NSD1: variants seen among roughly 807,000 people sequenced by gnomAD.
NSD1 encodes histone-lysine N-methyltransferase, H3 lysine-36 specific.
Under a neutral mutation model 242.7 loss-of-function variants are expected in NSD1, and 26 were observed. The ratio of observed to expected loss-of-function variants is 0.11; its 90% CI spans 0.08 to 0.15. NSD1 has a LOEUF of 0.15. NSD1 is among the 10% of genes least tolerant of loss of function. The probability of loss-of-function intolerance (pLI) is 1.00; values close to 1 mark genes in which losing one functional copy is unlikely to be tolerated. For synonymous variants in NSD1, 1,106 were observed against 1,178.1 expected (o/e 0.94, Z 1.25); for missense variants, 2,495 against 3,272.8 (o/e 0.76, Z 5.80).
At chr5:177,199,013 T>G (rs896894435) in intron 3 of NSD1, among the ~76,000 whole-genome samples, 43 of 152,244 alleles carry the variant, frequency 2.8e-4, no homozygotes, top group Admixed American at 6.5e-5. Flanking sequence ...GTCCCCAATT[T>G]GAGTTAGAAT....
At position 177,137,780 on chromosome 5, in the gene NSD1, G is replaced by T. The variant is rs141253997; in HGVS notation, c.927+1750G>T. 4.3e-3 allele frequency among the ~76,000 whole-genome samples: 651 copies of T among 151,978 alleles called. 3 individuals carry two copies. Among genetic ancestry groups the T allele is most frequent in the African/African-American group, 0.014 (595 of 41,428 alleles). On this transcript the variant is annotated intron_variant, in intron 2 of 22. Transcript: ENST00000439151. ...TCAAAGAGATGTTAGTGGAGTATTG[G>T]TTCTATTAAAAAAAAAATGAAGGCT...
intron 5 of NSD1, among the ~76,000 whole-genome samples, chr5:177,227,843 G>A (rs1409822521): frequency 6.6e-6 from 1 of 151,750 alleles, no homozygotes; most frequent in Admixed American, 6.6e-5. Flanking sequence ...AGCTATTCGG[G>A]ACAGTTAGGC....
intron 21 of NSD1, among the ~76,000 whole-genome samples, chr5:177,290,554 C>T (rs961250004): frequency 1.3e-5 from 2 of 151,518 alleles, no homozygotes; most frequent in African/African-American, 2.4e-5. Flanking sequence ...ATTACAGGCC[C>T]CTGCCACCAC....
intron 2 of NSD1, among the ~76,000 whole-genome samples, chr5:177,142,373 C>T (rs1756899720): frequency 6.6e-6 from 1 of 152,096 alleles, no homozygotes; most frequent in South Asian, 2.1e-4. Flanking sequence ...GTGGCAAAAA[C>T]TAGTGTAAAC....
At chr5:177,275,001 T>C (rs1758252690) in intron 17 of NSD1, among the ~76,000 whole-genome samples, 3 of 151,942 alleles carry the variant, frequency 2.0e-5, no homozygotes, top group African/African-American at 7.3e-5. Context: ...CCCAAAGTGC[T>C]GGGATTACAG....
chr5:177,156,174 A>ATT (rs34417228), intron 2 of NSD1, among the ~76,000 whole-genome samples: 8,127 of 78,020 alleles, frequency 0.1, 902 homozygotes, highest in African/African-American at 0.2. Context: ...CTCTTTTCAG[A>ATT]TTTTTTTTTT....
rs893191485 is a variant in NSD1, at chr5:177,297,317, GGAAGA to G, written c.*1862_*1866del. The G allele has an allele frequency of 4.3e-6, 1 of 230,632 alleles. No homozygotes were observed. The highest frequency in any genetic ancestry group is 6.2e-5 in the East Asian group (1 of 16,242). 14.3% of individuals were successfully genotyped at this position (230,632 alleles called of 1,614,324 possible). ...AAGAGGAAAAGCTCTTTGTTCAAAA[GGAAGA>G]GAAAACGTAAAGCATCTTATTTTCT... On this transcript the variant is annotated 3_prime_UTR_variant, in exon 23 of 23. Transcript: ENST00000439151.
At chr5:177,195,644 T>A (rs1335002546) in intron 3 of NSD1, among the ~76,000 whole-genome samples, 1 of 152,146 alleles carries the variant, frequency 6.6e-6, no homozygotes, top group African/African-American at 2.4e-5. Context: ...AGTTTTTAAT[T>A]TTTTTGTAGA....
chr5:177,154,005 G>T (rs1757929441), intron 2 of NSD1, among the ~76,000 whole-genome samples: 1 of 152,054 alleles, frequency 6.6e-6, no homozygotes, highest in African/African-American at 2.4e-5. Context: ...GGATGGTGCT[G>T]GCTCAGTCTC....
At chr5:177,175,028 C>G (rs1474075334) in intron 2 of NSD1, among the ~76,000 whole-genome samples, 1 of 151,802 alleles carries the variant, frequency 6.6e-6, no homozygotes, top group Non-Finnish European at 1.5e-5. Context: ...CCCGCCACCA[C>G]GCCCGGCTAA....
chr5:177,149,052 C>T (rs933010786), intron 2 of NSD1, among the ~76,000 whole-genome samples: 9 of 152,002 alleles, frequency 5.9e-5, no homozygotes, highest in African/African-American at 2.2e-4. Flanking sequence ...CTCCTGACCT[C>T]AGGTAATCCA....
intron 2 of NSD1, among the ~76,000 whole-genome samples, chr5:177,146,006 T>C (rs1030141172): frequency 6.6e-6 from 1 of 151,794 alleles, no homozygotes; most frequent in East Asian, 1.9e-4. Context: ...GGAGGATTGC[T>C]TGAGCCCAGG....
rs1336209242 is a variant in NSD1, at chr5:177,294,647, G to A, written c.7279G>A (p.Ala2427Thr). The A allele has an allele frequency of 3.1e-6, 5 of 1,614,214 alleles. No individual in the cohort carries two copies. The East Asian group carries it at 8.9e-5, about 29-fold the overall frequency. Residue 2427 changes from alanine (A) to threonine (T), a missense_variant, in exon 23 of 23, where the codon GCT (alanine) becomes ACT (threonine). Ala to Thr is a moderately conservative substitution (Grantham distance 58, BLOSUM62 0). This residue lies in a region of NSD1 where 475 missense variants were observed against 563.7 expected (regional missense o/e 0.84). Coordinates refer to ENST00000439151, the MANE Select transcript of NSD1 (RefSeq NM_022455.5). ...CCCACCTCCTGAGAAAGTACTATCA[G>A]CTGTGGTCCAGACCCTTGTAGCTAA... Reference protein sequence around the residue: ...RLPPPEKVLSAVVQTLVAKEK... With the variant: ...RLPPPEKVLSTVVQTLVAKEK...
intron 13 of NSD1, among the ~76,000 whole-genome samples, chr5:177,259,566 G>A (rs1489698840): frequency 6.6e-6 from 1 of 152,196 alleles, no homozygotes; most frequent in Non-Finnish European, 1.5e-5. Context: ...TTTCGTGATG[G>A]TTTATAATAG....
At chr5:177,230,194 TCACTGCAAC>T (rs1764949437) in intron 5 of NSD1, among the ~76,000 whole-genome samples, 1 of 152,230 alleles carries the variant, frequency 6.6e-6, no homozygotes, top group Non-Finnish European at 1.5e-5. Context: ...CTGTCTTGGC[TCACTGCAAC>T]CTCTGCCTCC....
intron 14 of NSD1, among the ~76,000 whole-genome samples, chr5:177,261,236 A>ATTTTT (rs10652091): frequency 9.2e-4 from 69 of 74,744 alleles, no homozygotes; most frequent in Non-Finnish European, 1.4e-3. Flanking sequence ...TGCCCCACTA[A>ATTTTT]TTTTTTTTTT....
chr5:177,276,286 A>G (rs1196916131), intron 17 of NSD1, among the ~76,000 whole-genome samples: 3 of 151,860 alleles, frequency 2.0e-5, no homozygotes, highest in Non-Finnish European at 2.9e-5. Flanking sequence ...GAAGACCTCT[A>G]AAAAGGGATA....
intron 3 of NSD1, among the ~76,000 whole-genome samples, chr5:177,193,718 C>T (rs535284138): frequency 5.9e-5 from 9 of 152,222 alleles, no homozygotes; most frequent in Admixed American, 2.0e-4. Context: ...TGCTGTGATC[C>T]GCCACATTCT....
At chr5:177,193,378 G>A (rs1398747552) in intron 3 of NSD1, among the ~76,000 whole-genome samples, 1 of 152,018 alleles carries the variant, frequency 6.6e-6, no homozygotes, top group African/African-American at 2.4e-5. Flanking sequence ...TCTTGACCTC[G>A]TGATCTGCCT....
Sources: allele counts gnomAD v4.1 joint callset (sites outside exome capture counted in the v4.1 genomes callset), GRCh38; gene constraint gnomAD v4.1.1; regional missense constraint gnomAD v4.1.1; transcripts MANE v1.5; gene names NCBI Gene and HGNC (gene_info 2026-07-23, HGNC 2026-07-21).